Variants in RASGRP3 observed in about 807,000 individuals in gnomAD.
RASGRP3 encodes the protein ras guanyl-releasing protein 3.
Under a neutral mutation model 82.7 loss-of-function variants are expected in RASGRP3, and 54 were observed. The ratio of observed to expected loss-of-function variants is 0.65; its 90% CI spans 0.52 to 0.82. RASGRP3 has a LOEUF of 0.82. RASGRP3 is among the 40% of genes least tolerant of loss of function. The probability of loss-of-function intolerance (pLI) is 0.00; values close to 1 mark genes in which losing one functional copy is unlikely to be tolerated. For missense variants in RASGRP3, 861 were observed against 828.9 expected (o/e 1.04, Z -0.48); for synonymous variants, 309 against 300.5 (o/e 1.03, Z -0.29).
At chr2:33,490,649 G>A (rs760638611) in intron 1 of RASGRP3, among the ~76,000 whole-genome samples, 2 of 152,210 alleles carry the variant, frequency 1.3e-5, no homozygotes, top group Non-Finnish European at 1.5e-5. Flanking sequence ...GAAAGCCCAA[G>A]GCTTAAGAGT....
At chr2:33,498,699 C>T (rs138333557) in intron 1 of RASGRP3, among the ~76,000 whole-genome samples, 5 of 152,294 alleles carry the variant, frequency 3.3e-5, no homozygotes, top group Admixed American at 1.3e-4. Flanking sequence ...TCTCCTTCTT[C>T]TCTCTGCCCA....
intron 1 of RASGRP3, among the ~76,000 whole-genome samples, chr2:33,489,863 A>G (rs528664651): frequency 1.3e-5 from 2 of 152,334 alleles, no homozygotes; most frequent in East Asian, 3.9e-4. Context: ...GGACAGAACA[A>G]GGGATCTTTA....
At chr2:33,455,022 G>A (rs1665966775) in intron 2 of RASGRP3, among the ~76,000 whole-genome samples, 1 of 152,122 alleles carries the variant, frequency 6.6e-6, no homozygotes, top group Non-Finnish European at 1.5e-5. Flanking sequence ...AAGGTAGGGG[G>A]GGCATAAGGG....
intron 2 of RASGRP3, among the ~76,000 whole-genome samples, chr2:33,453,691 A>G (rs1159902076): frequency 6.6e-6 from 1 of 152,232 alleles, no homozygotes; most frequent in East Asian, 1.9e-4. Flanking sequence ...GTCCTGATTC[A>G]GCATGAGCAA....
intron 2 of RASGRP3, among the ~76,000 whole-genome samples, chr2:33,450,847 T>TG: frequency 1.1e-5 from 1 of 92,862 alleles, no homozygotes; most frequent in East Asian, 2.8e-4. Context: ...TTTTTTTTTT[T>TG]TTTTTTTTGA....
intron 1 of RASGRP3, among the ~76,000 whole-genome samples, chr2:33,489,099 G>A (rs1345444398): frequency 6.6e-6 from 1 of 152,172 alleles, no homozygotes; most frequent in Non-Finnish European, 1.5e-5. Context: ...TGGCAGTGGA[G>A]TATTACTGGC....
chr2:33,548,225 G>A (rs1347447600), intron 13 of RASGRP3, among the ~76,000 whole-genome samples: 1 of 151,802 alleles, frequency 6.6e-6, no homozygotes, highest in Non-Finnish European at 1.5e-5. Flanking sequence ...GCTGGGCGCA[G>A]TGGCGGGCGC....
At chr2:33,444,855 T>C (rs1665420512) in intron 1 of RASGRP3, among the ~76,000 whole-genome samples, 1 of 152,230 alleles carries the variant, frequency 6.6e-6, no homozygotes, top group Non-Finnish European at 1.5e-5. Context: ...TAAAAGACTT[T>C]ATCATAATGT....
chr2:33,556,231 C>CTTTTTTTTTTTTTTTTTTTTT (rs573022728), intron 15 of RASGRP3, among the ~76,000 whole-genome samples: 7 of 57,498 alleles, frequency 1.2e-4, no homozygotes, highest in Non-Finnish European at 1.7e-4. Flanking sequence ...TTCTAATAAT[C>CTTTTTTTTTTTTTTTTTTTTT]TTTTTTTTTT....
chr2:33,513,106 T>C (rs1053430154), intron 2 of RASGRP3, among the ~76,000 whole-genome samples: 9 of 152,226 alleles, frequency 5.9e-5, no homozygotes, highest in African/African-American at 2.2e-4. Context: ...AATAATCTGC[T>C]TTCACAAATC....
Position 33,564,572 on chromosome 2 carries a change from A to G in RASGRP3, c.*1835A>G, listed in dbSNP as rs948991347. 98 of 152,250 alleles carry G rather than the reference A, an allele frequency of 6.4e-4. 1 individual carries two copies. The highest frequency in any genetic ancestry group is 6.3e-3 in the Admixed American group (96 of 15,290). 9.4% of individuals were successfully genotyped at this position (152,250 alleles called of 1,614,324 possible). On this transcript the variant is annotated 3_prime_UTR_variant, in exon 18 of 18. Coordinates refer to ENST00000403687, the MANE Select transcript of RASGRP3 (RefSeq NM_001139488.2). The stretch of plus-strand genomic sequence containing the variant: ...AGAAAATTCAGGAAGAAACGTGTTA[A>G]TAAACATTGTACTGTTCTTTTGCTT...
rs142821192 is a variant in RASGRP3 at position 33,557,854 on chromosome 2, T to A, written c.1580-357T>A. Among the ~76,000 whole-genome samples, 1,469 of 152,266 alleles carry A rather than the reference T, an allele frequency of 9.6e-3. 6 individuals carry two copies. Among genetic ancestry groups the A allele is most frequent in the Middle Eastern group, 0.014 (4 of 294 alleles). On this transcript the variant is annotated intron_variant, in intron 15 of 17. Transcript: ENST00000403687. ...AGGCTCTCTTTGTGGGGATTCCGTC[T>A]AAGCCTGGGAAAGACTCTCAACCCC... is the stretch of plus-strand genomic sequence containing the variant.
rs1031132312 is a variant in RASGRP3 at position 33,563,754 on chromosome 2, C to CAATT, written c.*1020_*1023dup. 2.6e-5 allele frequency: 4 copies of CAATT among 151,840 alleles called. No individual in the cohort carries two copies. Among genetic ancestry groups the CAATT allele is most frequent in the Non-Finnish European group, 1.5e-5 (1 of 67,966 alleles). The allele number at this position is 151,840 out of a possible 1,614,324, so 9.4% of individuals were successfully genotyped here. ...TCCCTTCCTAAGAAACTGCCTTCCA[C>CAATT]AATTAAAGAATACTCATAGAAAGAA... On this transcript the variant is annotated 3_prime_UTR_variant, in exon 18 of 18. Transcript: ENST00000403687.
At chr2:33,462,747 A>G (rs184777255) in intron 2 of RASGRP3, among the ~76,000 whole-genome samples, 279 of 152,356 alleles carry the variant, frequency 1.8e-3, no homozygotes, top group Non-Finnish European at 3.2e-3. Context: ...CACCTCATGC[A>G]TTAAGCTATC....
At chr2:33,539,458 G>A (rs1674010945) in intron 12 of RASGRP3, 2 of 353,852 alleles carry the variant, frequency 5.7e-6, no homozygotes, top group Non-Finnish European at 5.2e-6. Context: ...CTCTTTCACA[G>A]GCATTTGCCA....
At chr2:33,464,023 C>G (rs1314195890) in intron 2 of RASGRP3, among the ~76,000 whole-genome samples, 2 of 151,570 alleles carry the variant, frequency 1.3e-5, no homozygotes, top group Non-Finnish European at 2.9e-5. Context: ...TCAAGCAAGT[C>G]TACTAGGACC....
chr2:33,441,510 G>C (rs1665225153), intron 1 of RASGRP3, among the ~76,000 whole-genome samples: 1 of 152,182 alleles, frequency 6.6e-6, no homozygotes, highest in Non-Finnish European at 1.5e-5. Context: ...TCTCTAAATA[G>C]CAAATTCAAG....
At chr2:33,446,546 C>T (rs1665513493) in intron 1 of RASGRP3, among the ~76,000 whole-genome samples, 1 of 151,022 alleles carries the variant, frequency 6.6e-6, no homozygotes, top group African/African-American at 2.4e-5. Context: ...TAACACTTGG[C>T]TAAGAAGTAG....
chr2:33,488,664 C>G (rs547842058), intron 1 of RASGRP3, among the ~76,000 whole-genome samples: 3 of 152,294 alleles, frequency 2.0e-5, no homozygotes, highest in African/African-American at 7.2e-5. Flanking sequence ...AGGAATAAAA[C>G]AAGGGCCAAA....
Sources: gnomAD v4.1 joint callset for allele counts (sites outside exome capture counted in the v4.1 genomes callset) on GRCh38, gnomAD v4.1.1 for gene constraint, MANE v1.5 for transcripts, NCBI Gene and HGNC (gene_info 2026-07-23, HGNC 2026-07-21) for gene names.